The following RBFOX1 variants were observed in gnomAD, a reference collection of about 807,000 sequenced individuals.
The protein encoded by RBFOX1 is RNA binding fox-1 homolog 1.
Under a neutral mutation model 57.7 loss-of-function variants are expected in RBFOX1, and 8 were observed. The observed-to-expected ratio is 0.14, with a 90% CI of 0.08 to 0.25. The LOEUF is 0.25. Among genes scored for constraint, RBFOX1 ranks in the 10% least tolerant of loss-of-function variants. The pLI is 1.00. For missense variants in RBFOX1, 611 were observed against 548.5 expected, an observed-to-expected ratio of 1.11 and a Z score of -1.14; for synonymous variants, 326 against 222.4, an observed-to-expected ratio of 1.47 and a Z score of -4.15.
chr16:6,993,843 C>T (rs1305654014), intron 3 of RBFOX1, among the ~76,000 whole-genome samples: 2 of 152,146 alleles, frequency 1.3e-5, no homozygotes, highest in Non-Finnish European at 2.9e-5. Context: ...CTCCAAAATG[C>T]TTGTGAAGCA....
intron 1 of RBFOX1, among the ~76,000 whole-genome samples, chr16:6,261,347 G>T (rs952546830): frequency 1.3e-5 from 2 of 152,200 alleles, no homozygotes; most frequent in African/African-American, 4.8e-5. Flanking sequence ...CTTGAGGAAG[G>T]TTGTTTTTTT....
chr16:6,951,399 T>C (rs1025612156), intron 3 of RBFOX1, among the ~76,000 whole-genome samples: 9 of 152,152 alleles, frequency 5.9e-5, no homozygotes, highest in Middle Eastern at 3.2e-3. Flanking sequence ...CTTAAAACAA[T>C]AACGTACATT....
chr16:6,396,857 T>C (rs538833139), intron 2 of RBFOX1, among the ~76,000 whole-genome samples: 1 of 152,088 alleles, frequency 6.6e-6, no homozygotes, highest in Non-Finnish European at 1.5e-5. Context: ...ATGTGAATAG[T>C]AATTAAAGAA....
At chr16:6,657,092 C>T (rs1449420005) in intron 3 of RBFOX1, among the ~76,000 whole-genome samples, 2 of 119,646 alleles carry the variant, frequency 1.7e-5, no homozygotes, top group Non-Finnish European at 3.3e-5. Context: ...CCTCTCCTCC[C>T]CTTTACTCTC....
chr16:5,818,635 G>C (rs1161366641), intron 3 of RBFOX1, among the ~76,000 whole-genome samples: 1 of 152,208 alleles, frequency 6.6e-6, no homozygotes, highest in Non-Finnish European at 1.5e-5. Context: ...AGAAGAATTA[G>C]ATAGGACCCT....
intron 1 of RBFOX1, among the ~76,000 whole-genome samples, chr16:5,252,663 T>A (rs1469744011): frequency 6.6e-6 from 1 of 152,216 alleles, no homozygotes; most frequent in African/African-American, 2.4e-5. Flanking sequence ...GGGGGATGAC[T>A]TCCCTGCCAT....
intron 4 of RBFOX1, among the ~76,000 whole-genome samples, chr16:7,495,257 T>A (rs532440756): frequency 6.6e-6 from 1 of 152,356 alleles, no homozygotes; most frequent in South Asian, 2.1e-4. Context: ...TCTGCTGTTG[T>A]GAATATTACA....
intron 12 of RBFOX1, chr16:7,664,700 A>G: frequency 1.5e-6 from 1 of 653,780 alleles, no homozygotes; most frequent in South Asian, 2.1e-5. Flanking sequence ...GACCTAGCAC[A>G]CCGCCACCAC....
intron 4 of RBFOX1, among the ~76,000 whole-genome samples, chr16:7,452,238 A>G (rs1177603168): frequency 1.3e-5 from 2 of 152,234 alleles, no homozygotes; most frequent in African/African-American, 4.8e-5. Flanking sequence ...TGGCTTGGTT[A>G]AAGCACTTTA....
At chr16:6,101,851 G>A (rs994243934) in intron 1 of RBFOX1, among the ~76,000 whole-genome samples, 8 of 152,130 alleles carry the variant, frequency 5.3e-5, no homozygotes, top group Admixed American at 4.6e-4. Flanking sequence ...CATCTGCCGG[G>A]GCAGCTGTAG....
chr16:5,904,938 A>C (rs75269941), intron 4 of RBFOX1, among the ~76,000 whole-genome samples: 81,023 of 135,960 alleles, frequency 0.6, 24,538 homozygotes, highest in Middle Eastern at 0.73. Flanking sequence ...GATCGCACCA[A>C]TGCACTCCAG....
intron 4 of RBFOX1, among the ~76,000 whole-genome samples, chr16:7,107,137 A>G (rs2063760929): frequency 6.6e-6 from 1 of 152,164 alleles, no homozygotes; most frequent in African/African-American, 2.4e-5. Flanking sequence ...GTCAGAATGC[A>G]AGAACATTGT....
intron 2 of RBFOX1, among the ~76,000 whole-genome samples, chr16:6,520,353 C>G (rs574505464): frequency 1.3e-5 from 2 of 152,250 alleles, no homozygotes; most frequent in East Asian, 3.9e-4. Context: ...TCAGATTTGT[C>G]TACCTTTCTT....
At chr16:5,661,067 C>G (rs1243940119) in intron 3 of RBFOX1, among the ~76,000 whole-genome samples, 1 of 152,156 alleles carries the variant, frequency 6.6e-6, no homozygotes. Flanking sequence ...CACCTGCTCA[C>G]TTCAGCCTGG....
chr16:6,831,452 G>A (rs2092703069), intron 3 of RBFOX1, among the ~76,000 whole-genome samples: 1 of 152,094 alleles, frequency 6.6e-6, no homozygotes, highest in Non-Finnish European at 1.5e-5. Context: ...TTATACCTCA[G>A]CAAACCCTCC....
In RBFOX1 at chr16:6,634,440, G is replaced by A. The variant is rs79908401; in HGVS notation, c.-63-20163G>A. Among the ~76,000 whole-genome samples, 1,003 of 151,238 alleles carry A rather than the reference G, an allele frequency of 6.6e-3. 20 individuals carry two copies. The highest frequency in any genetic ancestry group is 0.023 in the African/African-American group (934 of 41,264). On this transcript the variant is annotated intron_variant, in intron 2 of 15. Transcript: ENST00000550418. Reference sequence around the variant, plus strand: ...GGGATAATCACTGTGGCTGCCTCCCGGGCTTAGTGAAGTTGCATATATATT... The same window carrying A: ...GGGATAATCACTGTGGCTGCCTCCCAGGCTTAGTGAAGTTGCATATATATT...
intron 3 of RBFOX1, among the ~76,000 whole-genome samples, chr16:5,856,114 A>G (rs528063727): frequency 2.2e-5 from 3 of 133,572 alleles, no homozygotes; most frequent in Non-Finnish European, 3.1e-5. Context: ...CTGAATTTGT[A>G]TATTATTTCT....
chr16:6,174,065 T>C (rs896629494), intron 1 of RBFOX1, among the ~76,000 whole-genome samples: 8 of 152,168 alleles, frequency 5.3e-5, no homozygotes, highest in African/African-American at 1.9e-4. Flanking sequence ...ACTTTTTTAT[T>C]CCCTTGAGTT....
At chr16:7,189,762 C>G (rs1303004344) in intron 4 of RBFOX1, among the ~76,000 whole-genome samples, 1 of 152,212 alleles carries the variant, frequency 6.6e-6, no homozygotes, top group African/African-American at 2.4e-5. Flanking sequence ...TGCAGGCAAT[C>G]CCTTCTATAA....
Sources: allele counts gnomAD v4.1 joint callset (sites outside exome capture counted in the v4.1 genomes callset), GRCh38; gene constraint gnomAD v4.1.1; transcripts MANE v1.5; gene names NCBI Gene and HGNC (gene_info 2026-07-23, HGNC 2026-07-21).